CNTN1: variants seen among roughly 807,000 people sequenced by gnomAD.
CNTN1 encodes contactin 1.
A neutral mutation model predicts 126.4 loss-of-function variants in CNTN1; 38 were observed. The observed-to-expected ratio is 0.30, with a 90% CI of 0.23 to 0.39. The LOEUF (loss-of-function observed/expected upper bound fraction) is 0.39, where lower values mean the gene tolerates loss of function less well. Ranked by LOEUF, CNTN1 falls within the 10% of genes least tolerant of loss-of-function variation. The probability of loss-of-function intolerance (pLI) is 1.00; values close to 1 mark genes in which losing one functional copy is unlikely to be tolerated. For synonymous variants in CNTN1, 413 were observed against 422.6 expected, an observed-to-expected ratio of 0.98 and a Z score of 0.28; for missense variants, 1,009 against 1,248.4, an observed-to-expected ratio of 0.81 and a Z score of 2.89.
intron 15 of CNTN1, chr12:40,972,643 T>C (rs1947555197): frequency 5.3e-6 from 5 of 943,410 alleles, no homozygotes; most frequent in Non-Finnish European, 6.3e-6. Context: ...CTTATTTCCT[T>C]CTTTTATATT....
chr12:41,053,302 ACTAAACTT>A (rs1949725606), intron 23 of CNTN1, among the ~76,000 whole-genome samples: 1 of 150,352 alleles, frequency 6.7e-6, no homozygotes, highest in Admixed American at 6.7e-5. Context: ...TGAATGGCTG[ACTAAACTT>A]CTAAACATAT....
At chr12:40,975,852 G>T (rs1325127262) in intron 15 of CNTN1, among the ~76,000 whole-genome samples, 2 of 152,118 alleles carry the variant, frequency 1.3e-5, no homozygotes, top group African/African-American at 2.4e-5. Context: ...TCAATCAGCT[G>T]GATAGGCTGA....
chr12:40,864,701 T>C (rs1466926255), intron 1 of CNTN1, among the ~76,000 whole-genome samples: 1 of 152,228 alleles, frequency 6.6e-6, no homozygotes, highest in Non-Finnish European at 1.5e-5. Flanking sequence ...TAATATTCCA[T>C]TGTATAAATA....
At position 40,813,054 on chromosome 12, in the gene CNTN1, T is replaced by C. The variant is rs1346335922; in HGVS notation, c.-76-95303T>C. On this transcript the variant is annotated intron_variant, in intron 1 of 23. Coordinates refer to ENST00000551295, the MANE Select transcript of CNTN1 (RefSeq NM_001843.4). The stretch of plus-strand genomic sequence containing the variant: ...TCTTTCTTTCCTTTCTTTCTTTCTT[T>C]CTTTCTTCCTTCCTTCCTTCCTTCC... Among the ~76,000 whole-genome samples the C allele has an allele frequency of 2.6e-3, 349 of 134,226 alleles. 4 individuals carry two copies. Among genetic ancestry groups the C allele is most frequent in the African/African-American group, 8.9e-3 (316 of 35,482 alleles). 88.1% of individuals were successfully genotyped at this position (134,226 alleles called of 152,430 possible).
At chr12:40,996,815 C>A (rs1948229591) in intron 17 of CNTN1, among the ~76,000 whole-genome samples, 1 of 152,148 alleles carries the variant, frequency 6.6e-6, no homozygotes, top group Admixed American at 6.5e-5. Flanking sequence ...TCAAATTGGA[C>A]ATTTACATTT....
intron 17 of CNTN1, among the ~76,000 whole-genome samples, chr12:40,999,869 G>A (rs1948314188): frequency 6.6e-6 from 1 of 151,708 alleles, no homozygotes; most frequent in South Asian, 2.1e-4. Flanking sequence ...CGCCCAGCTA[G>A]TTTTGTTTTT....
At chr12:40,836,068 GTATATATACGTACATATACAGGTA>G (rs200598884) in intron 1 of CNTN1, among the ~76,000 whole-genome samples, 21,893 of 145,670 alleles carry the variant, frequency 0.15, 1,762 homozygotes, top group Middle Eastern at 0.2. Flanking sequence ...GTATACAGGT[GTATATATACGTACATATACAGGTA>G]TATATATACG....
At chr12:40,847,897 C>T (rs1244458573) in intron 1 of CNTN1, among the ~76,000 whole-genome samples, 1 of 152,178 alleles carries the variant, frequency 6.6e-6, no homozygotes, top group Non-Finnish European at 1.5e-5. Flanking sequence ...GATCATAAGG[C>T]ATTAGATTCT....
At chr12:40,983,981 A>G (rs1947888350) in intron 16 of CNTN1, among the ~76,000 whole-genome samples, 1 of 146,078 alleles carries the variant, frequency 6.8e-6, no homozygotes, top group Non-Finnish European at 1.5e-5. Flanking sequence ...AGCATATAAT[A>G]TATGATATTA....
intron 15 of CNTN1, among the ~76,000 whole-genome samples, chr12:40,969,426 A>G (rs1947420531): frequency 6.6e-6 from 1 of 152,156 alleles, no homozygotes; most frequent in African/African-American, 2.4e-5. Flanking sequence ...CAGAGAGAGA[A>G]AGAAATGTTT....
At chr12:41,013,295 G>T (rs1346866455) in intron 17 of CNTN1, among the ~76,000 whole-genome samples, 1 of 152,154 alleles carries the variant, frequency 6.6e-6, no homozygotes, top group Non-Finnish European at 1.5e-5. Flanking sequence ...TCTTGAACAT[G>T]TGTAGTCCAT....
At chr12:40,695,754 C>CT (rs1268068550) in intron 1 of CNTN1, among the ~76,000 whole-genome samples, 1 of 152,178 alleles carries the variant, frequency 6.6e-6, no homozygotes, top group Non-Finnish European at 1.5e-5. Context: ...TGATAGCGTA[C>CT]TTTTTTCTTA....
Position 40,933,721 on chromosome 12 carries a change from G to A in CNTN1, c.828G>A (p.Arg276=), listed in dbSNP as rs771359796. Residue 276 remains arginine, a synonymous_variant, in exon 9 of 24, where the codon CGG becomes CGA. Transcript: ENST00000551295. ...GTCCTGTTCCGGATATCCGATGGCG[G>A]AAGGTTCTAGAACCAATGCCAAGCA... ...LGNPVPDIRW[R]KVLEPMPSTA... The A allele has an allele frequency of 6.2e-7, 1 of 1,612,750 alleles. No homozygotes were observed. The highest frequency in any genetic ancestry group is 8.5e-7 in the Non-Finnish European group (1 of 1,179,094).
chr12:41,008,896 T>C (rs79628237), intron 17 of CNTN1, among the ~76,000 whole-genome samples: 135 of 152,362 alleles, frequency 8.9e-4, no homozygotes, highest in African/African-American at 3.0e-3. Flanking sequence ...AAAAGCATAC[T>C]TGGAGTCAGT....
At chr12:40,752,756 A>C (rs1938452840) in intron 1 of CNTN1, among the ~76,000 whole-genome samples, 1 of 152,124 alleles carries the variant, frequency 6.6e-6, no homozygotes, top group South Asian at 2.1e-4. Flanking sequence ...TAACATTTTA[A>C]ACTCTAGAAC....
intron 11 of CNTN1, among the ~76,000 whole-genome samples, chr12:40,939,043 G>A (rs1646711530): frequency 6.6e-6 from 1 of 151,994 alleles, no homozygotes; most frequent in African/African-American, 2.4e-5. Flanking sequence ...GAAACTGCTG[G>A]GATTATAGGT....
intron 12 of CNTN1, among the ~76,000 whole-genome samples, chr12:40,941,996 A>G (rs1022380780): frequency 6.6e-6 from 1 of 152,158 alleles, no homozygotes; most frequent in Non-Finnish European, 1.5e-5. Flanking sequence ...AATTATGTAT[A>G]CCCTTTAAAG....
chr12:40,763,620 G>A (rs558878646), intron 1 of CNTN1, among the ~76,000 whole-genome samples: 1 of 152,212 alleles, frequency 6.6e-6, no homozygotes, highest in South Asian at 2.1e-4. Context: ...AAGGAGAAGA[G>A]GATACACCAC....
chr12:40,745,687 C>T (rs1470788874), intron 1 of CNTN1, among the ~76,000 whole-genome samples: 1 of 152,096 alleles, frequency 6.6e-6, no homozygotes. Context: ...AGGGAAAAGG[C>T]CTGGAAAAGG....
Sources: allele counts gnomAD v4.1 joint callset (sites outside exome capture counted in the v4.1 genomes callset), GRCh38; gene constraint gnomAD v4.1.1; transcripts MANE v1.5; gene names NCBI Gene and HGNC (gene_info 2026-07-23, HGNC 2026-07-21).